The following SNTG2 variants were observed in gnomAD, a reference collection of about 807,000 sequenced individuals.
SNTG2 encodes the protein syntrophin gamma 2.
SNTG2 carries 74 observed loss-of-function variants against 70.9 expected under a neutral mutation model. The observed-to-expected ratio is 1.04, with a 90% confidence interval of 0.86 to 1.27. SNTG2 has a LOEUF of 1.27. Ranked by LOEUF, SNTG2 falls within the 50% of genes most tolerant of loss-of-function variation. The pLI is 0.00. For missense variants in SNTG2, 717 were observed against 690.7 expected (o/e 1.04, Z -0.43); for synonymous variants, 278 against 273.8 (o/e 1.02, Z -0.15).
intron 1 of SNTG2, among the ~76,000 whole-genome samples, chr2:1,061,657 TC>T (rs769111401): frequency 1.3e-5 from 2 of 152,214 alleles, no homozygotes; most frequent in Admixed American, 6.5e-5. Context: ...GTGCTCTGTG[TC>T]CTGCTCGTCT....
At chr2:1,189,400 C>T (rs1162042433) in intron 8 of SNTG2, among the ~76,000 whole-genome samples, 5 of 151,988 alleles carry the variant, frequency 3.3e-5, no homozygotes, top group Admixed American at 3.3e-4. Context: ...TTTGTAAGAG[C>T]AAAGTCCCAG....
chr2:1,198,338 A>T (rs1246786807), intron 8 of SNTG2, among the ~76,000 whole-genome samples: 1 of 152,152 alleles, frequency 6.6e-6, no homozygotes, highest in African/African-American at 2.4e-5. Flanking sequence ...AAAAATCTAT[A>T]GGATATAGCA....
chr2:1,357,493 C>A (rs1660914953), intron 16 of SNTG2, among the ~76,000 whole-genome samples: 1 of 151,982 alleles, frequency 6.6e-6, no homozygotes, highest in African/African-American at 2.4e-5. Flanking sequence ...ACTAGTAGTG[C>A]CTTTGATTGC....
intron 9 of SNTG2, among the ~76,000 whole-genome samples, chr2:1,218,004 A>G (rs1444973084): frequency 1.3e-5 from 2 of 151,882 alleles, no homozygotes; most frequent in African/African-American, 4.8e-5. Context: ...TTCAAGGCTC[A>G]CTCAGGGTTG....
intron 16 of SNTG2, among the ~76,000 whole-genome samples, chr2:1,364,737 C>CAAAAAAAAAAAAAAAA (rs371977526): frequency 7.6e-6 from 1 of 132,016 alleles, no homozygotes; most frequent in Non-Finnish European, 1.6e-5. Context: ...CTAAAAATAC[C>CAAAAAAAAAAAAAAAA]AAAAAAAAAA....
At chr2:1,171,756 G>GTA (rs1351253354) in intron 7 of SNTG2, among the ~76,000 whole-genome samples, 1 of 152,176 alleles carries the variant, frequency 6.6e-6, no homozygotes, top group Admixed American at 6.5e-5. Context: ...AAGGAATATG[G>GTA]TATGAAGTGT....
At chr2:1,059,180 T>G (rs900101748) in intron 1 of SNTG2, 1 of 152,278 alleles carries the variant, frequency 6.6e-6, no homozygotes, top group African/African-American at 2.4e-5. Flanking sequence ...TTTACGAGAC[T>G]GAGGAAAGTG....
rs369567513 is a variant in SNTG2 at position 1,174,471 on chromosome 2, T to C, written c.591+1288T>C. 2.0e-5 allele frequency among the ~76,000 whole-genome samples: 3 copies of C among 152,308 alleles called. No homozygotes were observed. The South Asian group carries it at 6.2e-4, about 32-fold the overall frequency. On this transcript the variant is annotated intron_variant, in intron 8 of 16. Coordinates refer to ENST00000308624, the MANE Select transcript of SNTG2 (RefSeq NM_018968.4). ...TTGCCTGTGGACACTTTGCCTTTGT[T>C]TTATGTTTGTTTTTCTAGTTTATCA...
chr2:1,188,640 A>G (rs1672391678), intron 8 of SNTG2, among the ~76,000 whole-genome samples: 1 of 146,652 alleles, frequency 6.8e-6, no homozygotes, highest in African/African-American at 2.6e-5. Flanking sequence ...ATTTGCCTGA[A>G]ATACATGAAA....
intron 1 of SNTG2, among the ~76,000 whole-genome samples, chr2:966,508 G>A (rs1194717624): frequency 1.3e-5 from 2 of 151,910 alleles, no homozygotes; most frequent in African/African-American, 4.8e-5. Flanking sequence ...TTTGAGATTT[G>A]TAAAGGCTTT....
At chr2:957,571 C>G (rs1168874831) in intron 1 of SNTG2, among the ~76,000 whole-genome samples, 1 of 152,066 alleles carries the variant, frequency 6.6e-6, no homozygotes, top group African/African-American at 2.4e-5. Context: ...TCAGACCAGG[C>G]CAGTGGGGCC....
chr2:1,052,659 T>C (rs1662141612), intron 1 of SNTG2, among the ~76,000 whole-genome samples: 3 of 152,358 alleles, frequency 2.0e-5, no homozygotes, highest in East Asian at 1.9e-4. Context: ...GAAAGCCACA[T>C]GGTACCTTAG....
At chr2:1,011,069 G>T (rs182896433) in intron 1 of SNTG2, among the ~76,000 whole-genome samples, 123 of 152,332 alleles carry the variant, frequency 8.1e-4, no homozygotes, top group Admixed American at 2.1e-3. Flanking sequence ...TGCTCTGATA[G>T]GTTTTCTTTT....
intron 4 of SNTG2, among the ~76,000 whole-genome samples, chr2:1,129,215 A>G (rs1222827638): frequency 6.6e-6 from 1 of 152,232 alleles, no homozygotes; most frequent in Non-Finnish European, 1.5e-5. Context: ...AGAAAACTAC[A>G]GGTGGTTCTC....
chr2:1,042,472 T>C (rs34075818), intron 1 of SNTG2, among the ~76,000 whole-genome samples: 22,731 of 152,158 alleles, frequency 0.15, 2,279 homozygotes, highest in African/African-American at 0.28. Flanking sequence ...ATTTTGTCAC[T>C]CAGGTAATAA....
At chr2:1,101,178 C>T (rs537869925) in intron 4 of SNTG2, among the ~76,000 whole-genome samples, 4 of 152,356 alleles carry the variant, frequency 2.6e-5, no homozygotes, top group Admixed American at 6.5e-5. Context: ...TTCTGTGCCT[C>T]CTGCAGATTT....
chr2:1,182,360 C>A (rs1270954431), intron 8 of SNTG2, among the ~76,000 whole-genome samples: 1,771 of 121,370 alleles, frequency 0.015, no homozygotes, highest in Middle Eastern at 0.021. Context: ...TTAAAAATTT[C>A]AAAAAAAAAA....
At chr2:1,201,394 G>A (rs1673265419) in intron 8 of SNTG2, among the ~76,000 whole-genome samples, 1 of 151,774 alleles carries the variant, frequency 6.6e-6, no homozygotes, top group African/African-American at 2.4e-5. Context: ...AGGCTGGAAA[G>A]GGTGTGGGGG....
At chr2:1,068,730 C>T (rs1275854301) in intron 1 of SNTG2, among the ~76,000 whole-genome samples, 1 of 152,196 alleles carries the variant, frequency 6.6e-6, no homozygotes, top group Non-Finnish European at 1.5e-5. Flanking sequence ...TGAAGAAACA[C>T]ATAGCACAGA....
Sources: allele counts gnomAD v4.1 joint callset (sites outside exome capture counted in the v4.1 genomes callset), GRCh38; gene constraint gnomAD v4.1.1; transcripts MANE v1.5; gene names NCBI Gene and HGNC (gene_info 2026-07-23, HGNC 2026-07-21).